MROH2B: variants seen among roughly 807,000 people sequenced by gnomAD.
MROH2B encodes the protein maestro heat-like repeat-containing protein family member 2B.
In MROH2B, 177 loss-of-function variants were observed where a neutral mutation model predicts 208.6. The ratio of observed to expected loss-of-function variants is 0.85; its 90% CI spans 0.75 to 0.96. MROH2B has a LOEUF of 0.96. Ranked by LOEUF, MROH2B falls within the 40% of genes least tolerant of loss-of-function variation. The pLI is 0.00. For synonymous variants in MROH2B, 728 were observed against 659.0 expected (o/e 1.10, Z -1.60); for missense variants, 2,002 against 1,878.7 (o/e 1.07, Z -1.21).
chr5:41,016,247 T>C (rs1741944749), intron 28 of MROH2B, among the ~76,000 whole-genome samples: 1 of 152,184 alleles, frequency 6.6e-6, no homozygotes, highest in African/African-American at 2.4e-5. Flanking sequence ...CACTTGTTAC[T>C]TGTGTCTAGT....
At chr5:41,064,439 T>TACAAA in intron 5 of MROH2B, 33 bp downstream of exon 5, 1 of 1,581,914 alleles carries the variant, frequency 6.3e-7, no homozygotes, top group Non-Finnish European at 8.7e-7. Flanking sequence ...CAGCCTGGTT[T>TACAAA]TTAAGCAAAA....
chr5:41,026,109 C>T (rs1163485242), intron 24 of MROH2B, among the ~76,000 whole-genome samples: 1 of 152,098 alleles, frequency 6.6e-6, no homozygotes. Flanking sequence ...GGAAGCATTC[C>T]CTTTGAAAAG....
chr5:41,043,395 G>T (rs1469906956), intron 18 of MROH2B, among the ~76,000 whole-genome samples: 3 of 152,180 alleles, frequency 2.0e-5, no homozygotes, highest in Non-Finnish European at 4.4e-5. Flanking sequence ...TACGAATTGG[G>T]GACAAAGCTG....
chr5:41,054,760 C>T lies in MROH2B; in HGVS notation c.1107+7G>A, dbSNP rs758067143. ...CCATCGACAAGAGTTTCTATTAATT[C>T]TCTTACTTTTGTACTGAGATCACCC... On this transcript the variant is annotated splice_region_variant and intron_variant, in intron 11 of 41. Transcript: ENST00000399564. 5 of 1,594,012 alleles carry T rather than the reference C, an allele frequency of 3.1e-6. No individual in the cohort carries two copies. In the Admixed American group the frequency reaches 8.6e-5, roughly 28 times the overall value.
chr5:41,054,874 C>G, intron 10 of MROH2B, 34 bp from the exon 11 acceptor site: 2 of 1,470,772 alleles, frequency 1.4e-6, no homozygotes, highest in South Asian at 2.4e-5. Flanking sequence ...AGAGGCCTGA[C>G]TCAATAGAAG....
intron 24 of MROH2B, among the ~76,000 whole-genome samples, chr5:41,021,489 T>C (rs573043082): frequency 6.6e-6 from 1 of 152,178 alleles, no homozygotes; most frequent in Non-Finnish European, 1.5e-5. Context: ...GCCAAAACAA[T>C]TTTGAAGAAG....
At chr5:41,064,742 G>C (rs145195785) in intron 4 of MROH2B, among the ~76,000 whole-genome samples, 172 bp from the exon 5 acceptor site, 6 of 152,264 alleles carry the variant, frequency 3.9e-5, no homozygotes, top group East Asian at 1.9e-4. Flanking sequence ...ATACCAGGCT[G>C]TAGTTAGATA....
intron 29 of MROH2B, among the ~76,000 whole-genome samples, chr5:41,013,726 G>A (rs1350116715): frequency 6.6e-6 from 1 of 152,184 alleles, no homozygotes; most frequent in East Asian, 1.9e-4. Flanking sequence ...TGGGATGGAT[G>A]TTGATTCAGG....
In MROH2B at chr5:41,058,181, T is replaced by TG. The variant is rs755370298; in HGVS notation, c.637dup (p.His213ProfsTer30). The TG allele has an allele frequency of 6.3e-7, 1 of 1,599,288 alleles. No individual in the cohort carries two copies. Among genetic ancestry groups the TG allele is most frequent in the South Asian group, 1.1e-5 (1 of 88,396 alleles). ...CAGCAGCAAGCTCACCGTGGGCCCG[T>TG]GGGCCTTAACGATGCTCAAAGTCTG... On this transcript the variant is annotated frameshift_variant, in exon 7 of 42. Transcript: ENST00000399564. LOFTEE classifies it high-confidence loss of function.
At chr5:41,032,414 G>C (rs1438300637) in intron 24 of MROH2B, among the ~76,000 whole-genome samples, 2 of 152,100 alleles carry the variant, frequency 1.3e-5, no homozygotes, top group African/African-American at 4.8e-5. Context: ...GCTTTCATAA[G>C]ATTTTAATTG....
chr5:41,048,140 A>G, intron 16 of MROH2B, 184 bp downstream of exon 16: 1 of 631,450 alleles, frequency 1.6e-6, no homozygotes, highest in Non-Finnish European at 2.4e-6. Flanking sequence ...TTCTTGTAGT[A>G]TGAATATTGG....
chr5:41,025,224 C>CA (rs550840253), intron 24 of MROH2B, among the ~76,000 whole-genome samples: 1,831 of 151,700 alleles, frequency 0.012, 13 homozygotes, highest in Middle Eastern at 0.024. Flanking sequence ...AAAAGCCCTT[C>CA]AAAAAATCAA....
At chr5:41,031,351 C>T (rs945610914) in intron 24 of MROH2B, among the ~76,000 whole-genome samples, 17 of 151,900 alleles carry the variant, frequency 1.1e-4, no homozygotes, top group African/African-American at 3.6e-4. Flanking sequence ...TGGAGGAAAC[C>T]ACTCCCATGA....
At chr5:41,049,658 G>A (rs325865) in intron 13 of MROH2B, among the ~76,000 whole-genome samples, 18,163 of 152,192 alleles carry the variant, frequency 0.12, 1,303 homozygotes, top group Middle Eastern at 0.2. Context: ...CCATGGGGAC[G>A]TTGCTGGAAT....
intron 29 of MROH2B, among the ~76,000 whole-genome samples, chr5:41,014,852 A>C (rs879489040): frequency 1.3e-5 from 2 of 151,946 alleles, no homozygotes; most frequent in Admixed American, 1.3e-4. Flanking sequence ...TCATTATCTG[A>C]TATTATGCTT....
chr5:41,004,653 C>A, intron 36 of MROH2B, 121 bp downstream of exon 36: 1 of 1,518,672 alleles, frequency 6.6e-7, no homozygotes, highest in Non-Finnish European at 8.8e-7. Flanking sequence ...CGAAGGACTA[C>A]CACTTCAGCA....
Position 41,018,774 on chromosome 5 carries a change from G to T in MROH2B, c.2590C>A (p.Arg864=), listed in dbSNP as rs770970800. Residue 864 remains arginine, a synonymous_variant, in exon 26 of 42, where the codon CGA becomes AGA. Coordinates refer to ENST00000399564, the MANE Select transcript of MROH2B (RefSeq NM_173489.5). ...DKEHIQFLYE[R]SMDALGKLLK... ...AGTTTTCCTAGGGCGTCCATGGATC[G>T]TTCATAGAGAAACTGAAATCAAATA... 6.2e-7 allele frequency: 1 copy of T among 1,613,724 alleles called. No homozygotes were observed. Among genetic ancestry groups the T allele is most frequent in the Non-Finnish European group, 8.5e-7 (1 of 1,179,834 alleles).
chr5:41,021,514 T>A (rs1386543546), intron 24 of MROH2B, among the ~76,000 whole-genome samples: 1 of 152,056 alleles, frequency 6.6e-6, no homozygotes, highest in Non-Finnish European at 1.5e-5. Context: ...AAGTTGGAGG[T>A]CTTATACTTA....
intron 33 of MROH2B, among the ~76,000 whole-genome samples, chr5:41,007,805 G>A (rs527583921): frequency 8.0e-4 from 122 of 152,260 alleles, no homozygotes; most frequent in Non-Finnish European, 1.3e-3. Context: ...ATTGTTCTTG[G>A]CCAGACAGTA....
Sources: gnomAD v4.1 joint callset for allele counts (sites outside exome capture counted in the v4.1 genomes callset) on GRCh38, gnomAD v4.1.1 for gene constraint, MANE v1.5 for transcripts, NCBI Gene and HGNC (gene_info 2026-07-23, HGNC 2026-07-21) for gene names.